The following ARHGAP24 variants were observed in gnomAD, a reference collection of about 807,000 sequenced individuals.
ARHGAP24 encodes the protein Rho GTPase activating protein 24, also known as rho GTPase-activating protein 24.
Under a neutral mutation model 76.4 loss-of-function variants are expected in ARHGAP24, and 50 were observed. That is an observed-to-expected ratio of 0.65 (90% CI 0.52 to 0.83). The LOEUF (loss-of-function observed/expected upper bound fraction) is 0.83. Among genes scored for constraint, ARHGAP24 ranks in the 40% least tolerant of loss-of-function variants. The pLI, the probability that ARHGAP24 is intolerant of heterozygous loss-of-function variation, is 0.00. For missense variants in ARHGAP24, 930 were observed against 914.2 expected (o/e 1.02, Z -0.22); for synonymous variants, 345 against 323.3 (o/e 1.07, Z -0.72).
intron 1 of ARHGAP24, among the ~76,000 whole-genome samples, chr4:85,486,321 C>T (rs1257370493): frequency 6.6e-6 from 1 of 151,928 alleles, no homozygotes; most frequent in East Asian, 1.9e-4. Context: ...AAGCTACTGG[C>T]ATTTAATACA....
intron 3 of ARHGAP24, among the ~76,000 whole-genome samples, chr4:85,872,134 G>A (rs972795727): frequency 6.6e-6 from 1 of 151,688 alleles, no homozygotes; most frequent in Non-Finnish European, 1.5e-5. Flanking sequence ...CATCTAGCAA[G>A]TTATATTTTG....
At chr4:85,984,363 A>G (rs897741681) in intron 8 of ARHGAP24, among the ~76,000 whole-genome samples, 1 of 152,242 alleles carries the variant, frequency 6.6e-6, no homozygotes, top group African/African-American at 2.4e-5. Flanking sequence ...TCAAGGCACC[A>G]GCAGATAGGT....
chr4:85,638,154 C>T (rs940065024), intron 2 of ARHGAP24, among the ~76,000 whole-genome samples: 2 of 152,118 alleles, frequency 1.3e-5, no homozygotes, highest in Admixed American at 6.6e-5. Context: ...CATGACTGTA[C>T]GTCAGCCCTG....
chr4:85,542,918 G>T (rs979665893), intron 1 of ARHGAP24, among the ~76,000 whole-genome samples: 2 of 152,102 alleles, frequency 1.3e-5, no homozygotes, highest in African/African-American at 2.4e-5. Context: ...TATTTAACGG[G>T]GTTATTGTGA....
chr4:85,980,382 C>T (rs1396473023), intron 8 of ARHGAP24, among the ~76,000 whole-genome samples: 1 of 152,060 alleles, frequency 6.6e-6, no homozygotes, highest in Non-Finnish European at 1.5e-5. Context: ...GTTTTATTCC[C>T]TTTCTTCCAA....
chr4:85,608,565 T>G (rs1409394976), intron 2 of ARHGAP24, among the ~76,000 whole-genome samples: 10 of 138,918 alleles, frequency 7.2e-5, no homozygotes, highest in East Asian at 2.1e-4. Context: ...TTTTTTTTTT[T>G]TTTTTTTTTT....
intron 2 of ARHGAP24, among the ~76,000 whole-genome samples, chr4:85,571,968 T>C (rs2109964737): frequency 6.6e-6 from 1 of 152,322 alleles, no homozygotes; most frequent in East Asian, 1.9e-4. Flanking sequence ...AGGTCCCATA[T>C]TGGTATCATG....
intron 1 of ARHGAP24, among the ~76,000 whole-genome samples, chr4:85,523,505 A>G (rs934638092): frequency 1.3e-5 from 2 of 152,180 alleles, no homozygotes; most frequent in African/African-American, 4.8e-5. Context: ...TCCTTAAACA[A>G]ATATAAATGT....
At chr4:85,628,553 C>T (rs1313723520) in intron 2 of ARHGAP24, among the ~76,000 whole-genome samples, 1 of 152,184 alleles carries the variant, frequency 6.6e-6, no homozygotes, top group Non-Finnish European at 1.5e-5. Flanking sequence ...TGTTTCCTCA[C>T]TGATTTTCTG....
At chr4:85,477,027 G>A (rs1722626769) in intron 1 of ARHGAP24, among the ~76,000 whole-genome samples, 1 of 151,978 alleles carries the variant, frequency 6.6e-6, no homozygotes. Context: ...CTTGGAGGAC[G>A]GAAATATTGA....
intron 5 of ARHGAP24, among the ~76,000 whole-genome samples, chr4:85,963,633 A>C (rs1738390397): frequency 1.3e-5 from 2 of 152,044 alleles, no homozygotes; most frequent in South Asian, 4.1e-4. Context: ...GTCAGAATTT[A>C]TTTTTATTCT....
intron 3 of ARHGAP24, among the ~76,000 whole-genome samples, chr4:85,802,254 A>G (rs1008805159): frequency 2.0e-5 from 3 of 152,174 alleles, no homozygotes; most frequent in African/African-American, 7.2e-5. Context: ...GTTTACTGTG[A>G]TGATTAAGAT....
intron 1 of ARHGAP24, among the ~76,000 whole-genome samples, chr4:85,479,517 T>C (rs1722729131): frequency 6.6e-6 from 1 of 152,178 alleles, no homozygotes. Context: ...TCTTAATTAA[T>C]CAAATAAAAT....
rs11935486 is a variant in ARHGAP24, at chr4:85,813,637, T to C, written c.268+91665T>C. Among the ~76,000 whole-genome samples the C allele has an allele frequency of 9.8e-3, 1,491 of 151,872 alleles. 29 individuals are homozygous for C. The highest frequency in any genetic ancestry group is 0.034 in the African/African-American group (1,397 of 41,428). On this transcript the variant is annotated intron_variant, in intron 3 of 9. Coordinates refer to ENST00000395184, the MANE Select transcript of ARHGAP24 (RefSeq NM_001025616.3). ...CTTATGAAAAAATAATTTTATTTGA[T>C]TTTTATATTTTCTTCCCCCCACTGC...
intron 2 of ARHGAP24, among the ~76,000 whole-genome samples, chr4:85,668,575 C>G (rs1406226918): frequency 6.6e-6 from 1 of 152,160 alleles, no homozygotes; most frequent in Non-Finnish European, 1.5e-5. Flanking sequence ...AACCTTTACT[C>G]TGGAATCAAA....
intron 5 of ARHGAP24, among the ~76,000 whole-genome samples, chr4:85,945,183 C>G (rs1275225870): frequency 6.6e-6 from 1 of 152,006 alleles, no homozygotes; most frequent in Non-Finnish European, 1.5e-5. Context: ...GCTCTGTTGC[C>G]ACACACTGGA....
chr4:85,906,274 T>A (rs1258768066), intron 3 of ARHGAP24, among the ~76,000 whole-genome samples: 2 of 152,140 alleles, frequency 1.3e-5, no homozygotes, highest in African/African-American at 4.8e-5. Flanking sequence ...TTCCTTATAG[T>A]CAAATAAATG....
chr4:85,944,278 A>G (rs1401028698), intron 5 of ARHGAP24, among the ~76,000 whole-genome samples: 1 of 152,042 alleles, frequency 6.6e-6, no homozygotes, highest in African/African-American at 2.4e-5. Context: ...AATACTTTCT[A>G]TTTTTGGATT....
At chr4:85,713,081 T>G (rs1724587493) in intron 2 of ARHGAP24, among the ~76,000 whole-genome samples, 1 of 152,146 alleles carries the variant, frequency 6.6e-6, no homozygotes, top group African/African-American at 2.4e-5. Flanking sequence ...GCAGATCGTT[T>G]GAGCATAGGA....
Sources: allele counts gnomAD v4.1 joint callset (sites outside exome capture counted in the v4.1 genomes callset), GRCh38; gene constraint gnomAD v4.1.1; transcripts MANE v1.5; gene names NCBI Gene and HGNC (gene_info 2026-07-23, HGNC 2026-07-21).